SNAP91: variants seen among roughly 807,000 people sequenced by gnomAD.
SNAP91 encodes synaptosome associated protein 91, also known as clathrin coat assembly protein AP180.
In SNAP91, 27 loss-of-function variants were observed where a neutral mutation model predicts 100.3. The observed-to-expected ratio is 0.27, with a 90% CI of 0.20 to 0.37. The LOEUF is 0.37. SNAP91 is among the 10% of genes least tolerant of loss of function. The pLI is 1.00. For missense variants in SNAP91, 986 were observed against 1,123.7 expected (o/e 0.88, Z 1.75); for synonymous variants, 404 against 398.6 (o/e 1.01, Z -0.16).
chr6:83,641,901 A>T (rs1270435950), intron 7 of SNAP91, among the ~76,000 whole-genome samples: 3 of 152,210 alleles, frequency 2.0e-5, no homozygotes, highest in Non-Finnish European at 4.4e-5. Flanking sequence ...GAATGCTGTC[A>T]TTAGGGAACT....
intron 2 of SNAP91, among the ~76,000 whole-genome samples, chr6:83,681,232 G>T (rs947597750): frequency 1.3e-5 from 2 of 152,072 alleles, no homozygotes; most frequent in African/African-American, 4.8e-5. Context: ...AGCAATTGTA[G>T]GTTCCCACAA....
intron 23 of SNAP91, among the ~76,000 whole-genome samples, chr6:83,581,644 T>C (rs1828690961): frequency 6.6e-6 from 1 of 152,142 alleles, no homozygotes. Flanking sequence ...AGGCAGAGGA[T>C]TTATTTAGGG....
chr6:83,572,803 A>G (rs773061657), intron 26 of SNAP91, among the ~76,000 whole-genome samples: 39 of 152,322 alleles, frequency 2.6e-4, no homozygotes, highest in Non-Finnish European at 5.7e-4. Context: ...TAATTCCTTT[A>G]CTTTGATAAT....
chr6:83,594,234 G>C (rs1450975640), intron 17 of SNAP91, 140 bp downstream of exon 17: 1 of 672,882 alleles, frequency 1.5e-6, no homozygotes, highest in East Asian at 2.8e-5. Context: ...TTAAATGCTG[G>C]CATTATTTAT....
chr6:83,555,550 G>T (rs1278108070), intron 29 of SNAP91, among the ~76,000 whole-genome samples: 1 of 152,180 alleles, frequency 6.6e-6, no homozygotes, highest in Non-Finnish European at 1.5e-5. Context: ...TACCCACTGT[G>T]TTAGGTGCTG....
At chr6:83,674,239 C>G (rs217295) in intron 2 of SNAP91, among the ~76,000 whole-genome samples, 57,713 of 151,640 alleles carry the variant, frequency 0.38, 11,490 homozygotes, top group South Asian at 0.5. Context: ...TGATCTCAGC[C>G]TGGCCAACCT....
chr6:83,555,445 A>G (rs1393190483), intron 29 of SNAP91, among the ~76,000 whole-genome samples: 1 of 152,146 alleles, frequency 6.6e-6, no homozygotes, highest in Non-Finnish European at 1.5e-5. Context: ...AAATATCTGG[A>G]TAGTTTATCT....
intron 26 of SNAP91, among the ~76,000 whole-genome samples, chr6:83,574,459 A>G (rs1814435507): frequency 6.6e-6 from 1 of 152,166 alleles, no homozygotes; most frequent in Non-Finnish European, 1.5e-5. Flanking sequence ...AGTAGTTTCA[A>G]TTTTTAAAAT....
intron 26 of SNAP91, among the ~76,000 whole-genome samples, chr6:83,569,231 G>A (rs1481117356): frequency 6.6e-6 from 1 of 150,706 alleles, no homozygotes; most frequent in African/African-American, 2.5e-5. Context: ...GTAACAAATA[G>A]TTTCTATTGT....
intron 2 of SNAP91, among the ~76,000 whole-genome samples, chr6:83,705,662 G>A (rs1422007199): frequency 1.3e-5 from 2 of 151,952 alleles, no homozygotes; most frequent in African/African-American, 4.8e-5. Flanking sequence ...ACACAAAAAT[G>A]AGCCAGGCGT....
rs184800551 is a variant in SNAP91 at position 83,570,635 on chromosome 6, C to T, written c.2442+4375G>A. Among the ~76,000 whole-genome samples the T allele has an allele frequency of 8.5e-3, 1,289 of 152,146 alleles. 15 individuals are homozygous for T. Among genetic ancestry groups the T allele is most frequent in the African/African-American group, 0.029 (1,203 of 41,484 alleles). On this transcript the variant is annotated intron_variant, in intron 26 of 29. Coordinates refer to ENST00000369694, the MANE Select transcript of SNAP91 (RefSeq NM_001242792.2). ...TCTAGGGACCTGGTGCCCAGTGTCC[C>T]GGCTGCTCCAGCTGTGACTCAAAGG...
intron 24 of SNAP91, among the ~76,000 whole-genome samples, chr6:83,576,455 T>C (rs1252699595): frequency 6.6e-6 from 1 of 152,236 alleles, no homozygotes; most frequent in Non-Finnish European, 1.5e-5. Flanking sequence ...TTATGTTGAA[T>C]ATCCACTTTC....
At chr6:83,599,252 G>A (rs901571215) in intron 16 of SNAP91, among the ~76,000 whole-genome samples, 4 of 151,930 alleles carry the variant, frequency 2.6e-5, no homozygotes, top group Admixed American at 6.6e-5. Flanking sequence ...TATTCTAGAG[G>A]GCTATGCAGG....
intron 3 of SNAP91, among the ~76,000 whole-genome samples, chr6:83,664,947 T>A (rs950944662): frequency 6.6e-6 from 1 of 152,144 alleles, no homozygotes; most frequent in Non-Finnish European, 1.5e-5. Flanking sequence ...GCCATCAATA[T>A]CAGGGCAAGA....
At chr6:83,610,605 T>C in intron 12 of SNAP91, 45 bp downstream of exon 12, 1 of 589,792 alleles carries the variant, frequency 1.7e-6, no homozygotes, top group Non-Finnish European at 3.2e-6. Flanking sequence ...GGTAAAATGG[T>C]AAAAAACAAA....
chr6:83,699,566 T>C (rs1183263936), intron 2 of SNAP91, among the ~76,000 whole-genome samples: 1 of 152,186 alleles, frequency 6.6e-6, no homozygotes, highest in Non-Finnish European at 1.5e-5. Context: ...AACATATTTC[T>C]AATCATGTTT....
At chr6:83,615,532 T>C (rs973317041) in intron 10 of SNAP91, among the ~76,000 whole-genome samples, 2 of 152,154 alleles carry the variant, frequency 1.3e-5, no homozygotes, top group African/African-American at 4.8e-5. Context: ...GCATCTCTTA[T>C]TGTGATCTAA....
At chr6:83,694,523 G>T (rs537150418) in intron 2 of SNAP91, among the ~76,000 whole-genome samples, 8 of 152,232 alleles carry the variant, frequency 5.3e-5, no homozygotes, top group Admixed American at 3.9e-4. Flanking sequence ...ATATACATGG[G>T]TCAACCATGA....
intron 2 of SNAP91, among the ~76,000 whole-genome samples, chr6:83,681,459 C>A (rs2098988359): frequency 1.3e-5 from 2 of 152,124 alleles, no homozygotes; most frequent in Admixed American, 1.3e-4. Context: ...CTCTTCAACT[C>A]TTTTCCTTCA....
Sources: allele counts gnomAD v4.1 joint callset (sites outside exome capture counted in the v4.1 genomes callset), GRCh38; gene constraint gnomAD v4.1.1; transcripts MANE v1.5; gene names NCBI Gene and HGNC (gene_info 2026-07-23, HGNC 2026-07-21).